The following MYH10 variants were observed in gnomAD, a reference collection of about 807,000 sequenced individuals.
The protein encoded by MYH10 is myosin-10.
A neutral mutation model predicts 257.8 loss-of-function variants in MYH10; 55 were observed. The ratio of observed to expected loss-of-function variants is 0.21; its 90% CI spans 0.17 to 0.27. The LOEUF (loss-of-function observed/expected upper bound fraction) is 0.27, where lower values mean the gene tolerates loss of function less well. Ranked by LOEUF, MYH10 falls within the 10% of genes least tolerant of loss-of-function variation. The pLI, the probability that MYH10 is intolerant of heterozygous loss-of-function variation, is 1.00. For missense variants in MYH10, 1,631 were observed against 2,500.6 expected (o/e 0.65, Z 7.42); for synonymous variants, 854 against 921.7 (o/e 0.93, Z 1.33).
In MYH10 at chr17:8,536,043, A is replaced by G. The variant is rs141272093; in HGVS notation, c.1606-112T>C. ...AGTTTTATGAAGATCCATGGAAAAC[A>G]AATTGCTAGGATGGAAAGGAATGTC... On this transcript the variant is annotated intron_variant, in intron 14 of 42. Coordinates refer to ENST00000360416, the MANE Select transcript of MYH10 (RefSeq NM_001256012.3). 1,172 of 1,003,686 alleles carry G rather than the reference A, an allele frequency of 1.2e-3. 11 individuals carry two copies. Among genetic ancestry groups the G allele is most frequent in the African/African-American group, 6.2e-3 (381 of 61,166 alleles). The allele number at this position is 1,003,686 out of a possible 1,614,324, so 62.2% of individuals were successfully genotyped here.
chr17:8,567,397 C>T (rs900554614), intron 7 of MYH10, among the ~76,000 whole-genome samples: 6 of 152,120 alleles, frequency 3.9e-5, no homozygotes, highest in Admixed American at 3.3e-4. Flanking sequence ...AACAATATTC[C>T]AAGAAAATAC....
intron 4 of MYH10, among the ~76,000 whole-genome samples, chr17:8,587,727 A>C (rs2083962260): frequency 6.6e-6 from 1 of 152,138 alleles, no homozygotes; most frequent in African/African-American, 2.4e-5. Context: ...TCAGCACTGA[A>C]TCTCACCCAC....
At chr17:8,479,021 C>T (rs866923994) in intron 40 of MYH10, among the ~76,000 whole-genome samples, 2 of 152,290 alleles carry the variant, frequency 1.3e-5, no homozygotes, top group East Asian at 1.9e-4. Flanking sequence ...CGTGAGCCAG[C>T]GCACCCGGCC....
chr17:8,522,348 C>T (rs370818666), intron 17 of MYH10, among the ~76,000 whole-genome samples: 5 of 152,234 alleles, frequency 3.3e-5, no homozygotes, highest in Admixed American at 1.3e-4. Context: ...ACCAAGACCC[C>T]GGGAGGTAAA....
At chr17:8,480,831 A>G (rs1333396415) in intron 38 of MYH10, among the ~76,000 whole-genome samples, 2 of 152,034 alleles carry the variant, frequency 1.3e-5, no homozygotes, top group Non-Finnish European at 2.9e-5. Flanking sequence ...AGTCGCTTTC[A>G]AAACGCAAGC....
At chr17:8,585,240 A>ATATG (rs57834285) in intron 4 of MYH10, among the ~76,000 whole-genome samples, 134,955 of 139,868 alleles carry the variant, frequency 0.96, 65,339 homozygotes, top group Non-Finnish European at 1. Flanking sequence ...GTGTGTATAT[A>ATATG]TGTGTATATA....
At chr17:8,619,504 G>A (rs1032733383) in intron 2 of MYH10, among the ~76,000 whole-genome samples, 3 of 152,054 alleles carry the variant, frequency 2.0e-5, no homozygotes, top group Admixed American at 1.3e-4. Context: ...CACACTTTGG[G>A]AACTACTGAG....
intron 8 of MYH10, among the ~76,000 whole-genome samples, chr17:8,553,226 G>GTATTTCAAGT (rs2082696202): frequency 1.3e-5 from 2 of 152,142 alleles, no homozygotes; most frequent in Non-Finnish European, 2.9e-5. Context: ...AGTATTTCCA[G>GTATTTCAAGT]ATTTTGCTGG....
intron 19 of MYH10, among the ~76,000 whole-genome samples, chr17:8,520,475 G>T (rs1213275646): frequency 6.6e-6 from 1 of 152,148 alleles, no homozygotes; most frequent in East Asian, 1.9e-4. Context: ...CAGCCTGGGT[G>T]ACAGAGCGAA....
At chr17:8,553,869 G>T in intron 8 of MYH10, 86 bp downstream of exon 8, 1 of 1,045,906 alleles carries the variant, frequency 9.6e-7, no homozygotes, top group Non-Finnish European at 1.5e-6. Context: ...TGGATTTTGG[G>T]AGTGATATCA....
chr17:8,540,607 CTA>C (rs988683475), intron 14 of MYH10, among the ~76,000 whole-genome samples: 3 of 152,092 alleles, frequency 2.0e-5, no homozygotes, highest in African/African-American at 7.2e-5. Context: ...ACAATTATTC[CTA>C]TAAAGATACT....
chr17:8,554,093 G>T, intron 7 of MYH10, 75 bp from the exon 8 acceptor site: 1 of 1,004,236 alleles, frequency 1.0e-6, no homozygotes, highest in Non-Finnish European at 1.6e-6. Flanking sequence ...AAACTAAGAA[G>T]ACAACAAGTA....
At chr17:8,498,307 A>G (rs541931360) in intron 30 of MYH10, among the ~76,000 whole-genome samples, 10 of 151,994 alleles carry the variant, frequency 6.6e-5, no homozygotes, top group Non-Finnish European at 1.0e-4. Flanking sequence ...CATTTTTATT[A>G]GGGACTCCAG....
At chr17:8,608,647 T>C (rs34363598) in intron 2 of MYH10, among the ~76,000 whole-genome samples, 2,547 of 152,284 alleles carry the variant, frequency 0.017, 37 homozygotes, top group Non-Finnish European at 0.024. Flanking sequence ...GTTTGCATAA[T>C]AACACTACTG....
intron 14 of MYH10, among the ~76,000 whole-genome samples, chr17:8,541,349 T>C (rs532526827): frequency 6.6e-6 from 1 of 152,360 alleles, no homozygotes; most frequent in South Asian, 2.1e-4. Flanking sequence ...ACGTTACAGA[T>C]ATCGGTGGTT....
At chr17:8,600,010 A>T (rs2084530631) in intron 3 of MYH10, among the ~76,000 whole-genome samples, 1 of 152,218 alleles carries the variant, frequency 6.6e-6, no homozygotes, top group South Asian at 2.1e-4. Flanking sequence ...GAGGTTTGAA[A>T]TAGTCATTAT....
Position 8,490,622 on chromosome 17 carries a change from G to GT in MYH10, c.4672-71dup. The GT allele has an allele frequency of 6.6e-7, 1 of 1,506,252 alleles. No individual in the cohort carries two copies. The highest frequency in any genetic ancestry group is 9.2e-7 in the Non-Finnish European group (1 of 1,085,536). 93.3% of individuals were successfully genotyped at this position (1,506,252 alleles called of 1,614,324 possible). On this transcript the variant is annotated intron_variant, in intron 34 of 42. Transcript: ENST00000360416. The surrounding 1 kb of genome is among the most constrained non-coding windows in gnomAD (Gnocchi z 4.1). ...ACATATGAAGAACAGCAGTCTTACT[G>GT]TTTTACAGGCCCACTCGTGGCATGC...
Position 8,476,946 on chromosome 17 carries a change from C to G in MYH10, c.5809G>C (p.Glu1937Gln). ...TTGGCCTCGGTGGCATCATCCAGTT[C>G]CCGCTGGAGTTTACGCCGAGATGCG... ...ANASRRKLQRELDDATEANEG... is the reference protein window; with the variant it reads ...ANASRRKLQRQLDDATEANEG... Residue 1937 changes from glutamate (E) to glutamine (Q), a missense_variant, in exon 42 of 43, where the codon GAA becomes CAA. This residue lies in a region of MYH10 where 343 missense variants were observed against 389.5 expected (regional missense o/e 0.88). Coordinates refer to ENST00000360416, the MANE Select transcript of MYH10 (RefSeq NM_001256012.3). The G allele has an allele frequency of 6.2e-7, 1 of 1,613,884 alleles. No individual in the cohort carries two copies. Among genetic ancestry groups the G allele is most frequent in the Non-Finnish European group, 8.5e-7 (1 of 1,180,040 alleles).
In MYH10 at chr17:8,513,840, G is replaced by A. The variant is rs753565070; in HGVS notation, c.2559C>T (p.Asn853=). Residue 853 remains asparagine (N), a synonymous_variant, in exon 22 of 43, where the codon AAC becomes AAT. Coordinates refer to ENST00000360416, the MANE Select transcript of MYH10 (RefSeq NM_001256012.3). ...QLSALKVLQR[N]CAAYLKLRHW... is the part of the protein sequence containing the mutation. The stretch of plus-strand genomic sequence containing the variant: ...GCCGTAATTTCAGGTACGCGGCACA[G>A]TTCCGCTGCAAGACCTTTAAGGCAC... 3.1e-6 allele frequency: 5 copies of A among 1,614,242 alleles called. No individual in the cohort carries two copies. The South Asian group carries it at 4.4e-5, about 14-fold the overall frequency.
Sources: gnomAD v4.1 joint callset for allele counts (sites outside exome capture counted in the v4.1 genomes callset) on GRCh38, gnomAD v4.1.1 for gene constraint, gnomAD v4.1.1 regional missense constraint, Gnocchi (gnomAD v3.1) non-coding constraint, MANE v1.5 for transcripts, NCBI Gene and HGNC (gene_info 2026-07-23, HGNC 2026-07-21) for gene names.